The following GMDS variants were observed in gnomAD, a reference collection of about 807,000 sequenced individuals.
GMDS encodes GDP-mannose 4,6 dehydratase.
In GMDS, 20 loss-of-function variants were observed where a neutral mutation model predicts 49.9. The ratio of observed to expected loss-of-function variants is 0.40; its 90% CI spans 0.28 to 0.58. The LOEUF is 0.58. GMDS is among the 20% of genes least tolerant of loss of function. The pLI is 0.42. For synonymous variants in GMDS, 177 were observed against 178.6 expected, an observed-to-expected ratio of 0.99 and a Z score of 0.07; for missense variants, 362 against 481.4, an observed-to-expected ratio of 0.75 and a Z score of 2.32.
At chr6:1,788,553 A>T (rs1255013212) in intron 7 of GMDS, among the ~76,000 whole-genome samples, 1 of 152,200 alleles carries the variant, frequency 6.6e-6, no homozygotes, top group Non-Finnish European at 1.5e-5. Flanking sequence ...GAAGGGGAAC[A>T]ATAAGACCTG....
intron 4 of GMDS, among the ~76,000 whole-genome samples, chr6:2,074,654 A>G (rs1329115585): frequency 6.6e-6 from 1 of 152,266 alleles, no homozygotes; most frequent in Admixed American, 6.5e-5. Flanking sequence ...CTTACGTTTA[A>G]GTCTTTTAAA....
At chr6:2,125,266 T>C (rs989301797) in intron 1 of GMDS, among the ~76,000 whole-genome samples, 3 of 141,194 alleles carry the variant, frequency 2.1e-5, no homozygotes, top group Admixed American at 2.0e-4. Context: ...AGTGAGACCT[T>C]AGCACTGTTA....
At chr6:2,065,435 C>A (rs1051618586) in intron 4 of GMDS, among the ~76,000 whole-genome samples, 1 of 152,174 alleles carries the variant, frequency 6.6e-6, no homozygotes, top group African/African-American at 2.4e-5. Flanking sequence ...ATGACTTTGA[C>A]GAGCTGAGAG....
At chr6:2,022,678 C>A (rs1170407347) in intron 4 of GMDS, among the ~76,000 whole-genome samples, 1 of 152,118 alleles carries the variant, frequency 6.6e-6, no homozygotes, top group Non-Finnish European at 1.5e-5. Flanking sequence ...GAATTTTAGA[C>A]TACTAAAATC....
chr6:2,069,571 G>GA (rs1285420675), intron 4 of GMDS, among the ~76,000 whole-genome samples: 1 of 151,854 alleles, frequency 6.6e-6, no homozygotes, highest in African/African-American at 2.4e-5. Flanking sequence ...AAATTTACAA[G>GA]AAAAAAACAA....
chr6:1,669,077 G>A (rs960837447), intron 9 of GMDS, among the ~76,000 whole-genome samples: 1 of 152,196 alleles, frequency 6.6e-6, no homozygotes, highest in African/African-American at 2.4e-5. Flanking sequence ...TAATACCAAG[G>A]TCTAAGGAAA....
chr6:2,098,662 A>G (rs1233176603), intron 4 of GMDS, among the ~76,000 whole-genome samples: 1 of 152,210 alleles, frequency 6.6e-6, no homozygotes, highest in Non-Finnish European at 1.5e-5. Context: ...TAAACCTCTT[A>G]GGAATGTCTT....
chr6:1,982,127 G>A (rs1765253824), intron 4 of GMDS, among the ~76,000 whole-genome samples: 1 of 152,110 alleles, frequency 6.6e-6, no homozygotes, highest in African/African-American at 2.4e-5. Context: ...CTGACATGGT[G>A]AAACCCCATC....
At chr6:1,736,309 A>G (rs1222249040) in intron 8 of GMDS, among the ~76,000 whole-genome samples, 1 of 152,232 alleles carries the variant, frequency 6.6e-6, no homozygotes, top group Non-Finnish European at 1.5e-5. Context: ...TAGGATTCAG[A>G]TTTCCAGGAG....
At chr6:1,988,137 A>G (rs1765678403) in intron 4 of GMDS, among the ~76,000 whole-genome samples, 3 of 152,206 alleles carry the variant, frequency 2.0e-5, no homozygotes, top group Non-Finnish European at 2.9e-5. Context: ...CAGAATTGGT[A>G]GCCTAATTTT....
intron 4 of GMDS, among the ~76,000 whole-genome samples, chr6:2,043,932 G>T (rs541657878): frequency 6.6e-6 from 1 of 151,944 alleles, no homozygotes; most frequent in African/African-American, 2.4e-5. Context: ...TATAAAAGAA[G>T]ACATACGTGT....
intron 7 of GMDS, among the ~76,000 whole-genome samples, chr6:1,843,878 C>T (rs147916882): frequency 1.3e-5 from 2 of 152,256 alleles, no homozygotes; most frequent in African/African-American, 4.8e-5. Context: ...CAGGCCCCTC[C>T]AAAAGAAGAA....
intron 6 of GMDS, among the ~76,000 whole-genome samples, chr6:1,940,416 G>C (rs914095212): frequency 1.3e-5 from 2 of 152,162 alleles, no homozygotes; most frequent in Non-Finnish European, 2.9e-5. Flanking sequence ...CTCCGCCTTG[G>C]GGCCCTGCAT....
At chr6:2,040,142 G>A (rs1769582234) in intron 4 of GMDS, among the ~76,000 whole-genome samples, 2 of 152,258 alleles carry the variant, frequency 1.3e-5, no homozygotes, top group South Asian at 4.2e-4. Context: ...AAGCCCAATG[G>A]CTCCTCATTG....
intron 9 of GMDS, among the ~76,000 whole-genome samples, chr6:1,677,788 A>C (rs1016349483): frequency 9.0e-6 from 1 of 111,058 alleles, no homozygotes; most frequent in Non-Finnish European, 1.7e-5. Context: ...ACACACCGGT[A>C]CCTGTCGTGG....
chr6:2,225,564 G>T (rs937820308), intron 1 of GMDS, among the ~76,000 whole-genome samples: 3 of 152,064 alleles, frequency 2.0e-5, no homozygotes, highest in Non-Finnish European at 4.4e-5. Context: ...TGCAAATGAC[G>T]AATCATTTGC....
intron 1 of GMDS, among the ~76,000 whole-genome samples, chr6:2,163,436 T>TGAGAGA (rs374186618): frequency 1.3e-5 from 2 of 150,606 alleles, no homozygotes; most frequent in African/African-American, 2.4e-5. Flanking sequence ...TGTGTGTGTG[T>TGAGAGA]GAGAGAGAGA....
At chr6:1,743,344 G>C (rs1767349208) in intron 7 of GMDS, among the ~76,000 whole-genome samples, 1 of 151,914 alleles carries the variant, frequency 6.6e-6, no homozygotes, top group Admixed American at 6.6e-5. Flanking sequence ...ACGAGGTCAG[G>C]AGATCGAGAC....
chr6:1,722,119 T>A (rs1766405864), intron 9 of GMDS, among the ~76,000 whole-genome samples: 1 of 136,598 alleles, frequency 7.3e-6, no homozygotes, highest in South Asian at 2.4e-4. Flanking sequence ...CAGGCTGGAG[T>A]GCAGTGGTGT....
Sources: gnomAD v4.1 joint callset for allele counts (sites outside exome capture counted in the v4.1 genomes callset) on GRCh38, gnomAD v4.1.1 for gene constraint, MANE v1.5 for transcripts, NCBI Gene and HGNC (gene_info 2026-07-23, HGNC 2026-07-21) for gene names.